The following RAPGEF6 variants were observed in gnomAD, a reference collection of about 807,000 sequenced individuals.
RAPGEF6 encodes the protein Rap guanine nucleotide exchange factor 6.
In RAPGEF6, 56 loss-of-function variants were observed where a neutral mutation model predicts 171.4. The observed-to-expected ratio is 0.33, with a 90% CI of 0.26 to 0.41. The LOEUF (loss-of-function observed/expected upper bound fraction) is 0.41. Ranked by LOEUF, RAPGEF6 falls within the 10% of genes least tolerant of loss-of-function variation. RAPGEF6 has a pLI of 1.00. For missense variants in RAPGEF6, 1,674 were observed against 1,921.4 expected (o/e 0.87, Z 2.41); for synonymous variants, 692 against 650.1 (o/e 1.06, Z -0.98).
intron 11 of RAPGEF6, among the ~76,000 whole-genome samples, chr5:131,502,776 T>C (rs1757108355): frequency 6.6e-6 from 1 of 152,130 alleles, no homozygotes. Flanking sequence ...AAAATCTAAA[T>C]AGGGTTTCTG....
chr5:131,482,688 A>G (rs929239321), intron 15 of RAPGEF6, among the ~76,000 whole-genome samples: 5 of 152,252 alleles, frequency 3.3e-5, no homozygotes, highest in African/African-American at 9.6e-5. Context: ...TGATGTTTGT[A>G]TATTACTACT....
At chr5:131,498,702 T>C (rs763334128) in intron 11 of RAPGEF6, 95 bp from the exon 12 acceptor site, 21 of 1,137,054 alleles carry the variant, frequency 1.8e-5, no homozygotes, top group Non-Finnish European at 2.7e-5. Flanking sequence ...GCTACTCCAT[T>C]AGACAAATCG....
At chr5:131,629,395 C>T (rs1766151476) in intron 1 of RAPGEF6, among the ~76,000 whole-genome samples, 1 of 151,982 alleles carries the variant, frequency 6.6e-6, no homozygotes, top group African/African-American at 2.4e-5. Context: ...TGAATCCAAC[C>T]TTTATGAATG....
At chr5:131,513,944 C>T (rs565916994) in intron 7 of RAPGEF6, among the ~76,000 whole-genome samples, 12 of 152,258 alleles carry the variant, frequency 7.9e-5, no homozygotes, top group Admixed American at 6.5e-4. Context: ...GGGAGGATTG[C>T]TTAAGCCTTG....
intron 5 of RAPGEF6, among the ~76,000 whole-genome samples, chr5:131,555,200 G>A (rs944427374): frequency 2.0e-5 from 3 of 152,002 alleles, no homozygotes; most frequent in South Asian, 2.1e-4. Context: ...AAATTTCTTG[G>A]TATCCACATC....
Position 131,479,500 on chromosome 5 carries a change from C to A in RAPGEF6, c.2081+13G>T. On this transcript the variant is annotated intron_variant, in intron 16 of 27. Transcript: ENST00000509018. ...ATGAAAATTCCTGCATAGCTAAGAT[C>A]GGCATTACCTACCTAAATAGCTTTG... is the stretch of plus-strand genomic sequence containing the variant. The A allele has an allele frequency of 1.2e-6, 2 of 1,612,270 alleles. No individual in the cohort carries two copies. The highest frequency in any genetic ancestry group is 1.1e-5 in the South Asian group (1 of 90,946).
In RAPGEF6 at chr5:131,522,730, A is replaced by G. The variant is rs961178243; in HGVS notation, c.496-1209T>C. Among the ~76,000 whole-genome samples the G allele has an allele frequency of 4.6e-5, 7 of 152,162 alleles. No homozygotes were observed. The East Asian group carries it at 1.2e-3, about 25-fold the overall frequency. ...CTCCTAAGAATATTTTCTGATTCCT[A>G]AAGAAAAGGCTAAAAGGCCAAGAAG... On this transcript the variant is annotated intron_variant, in intron 6 of 27. Transcript: ENST00000509018.
At chr5:131,445,348 T>C (rs193065153) in intron 22 of RAPGEF6, among the ~76,000 whole-genome samples, 1 of 152,326 alleles carries the variant, frequency 6.6e-6, no homozygotes. Flanking sequence ...ATTCTTTCTT[T>C]TGACATACTT....
chr5:131,571,849 C>G (rs764145744), intron 4 of RAPGEF6, among the ~76,000 whole-genome samples: 1 of 152,058 alleles, frequency 6.6e-6, no homozygotes, highest in East Asian at 1.9e-4. Context: ...GTGACATTCC[C>G]GCCACCACCG....
In RAPGEF6 at chr5:131,442,351, A is replaced by C. The variant is rs761912977; in HGVS notation, c.3608T>G (p.Leu1203Arg). The part of the protein sequence containing the change: ...RKKGQTKDPA[L>R]NTSLPQKVLG... ...TAATATTAATGGTGAATACTCACTC[A>C]GTGCAGGGTCTTTTGTTTGTCCCTT... Residue 1203 changes from leucine (L) to arginine (R), a missense_variant and splice_region_variant, in exon 23 of 28, where the codon CTG (leucine) becomes CGG (arginine). Leu to Arg is a moderately radical substitution (Grantham distance 102, BLOSUM62 -2). Around this residue, in one of 3 missense-constraint regions of RAPGEF6, gnomAD observed 552 missense variants for 574.2 expected, o/e 0.96. Transcript: ENST00000509018. 1 of 1,607,604 alleles carries C rather than the reference A, an allele frequency of 6.2e-7. No homozygotes were observed. The highest frequency in any genetic ancestry group is 8.5e-7 in the Non-Finnish European group (1 of 1,177,012).
chr5:131,563,537 G>C (rs1561565379), intron 4 of RAPGEF6, among the ~76,000 whole-genome samples: 1 of 152,098 alleles, frequency 6.6e-6, no homozygotes, highest in African/African-American at 2.4e-5. Flanking sequence ...ATCTCACTCT[G>C]TGATCACCCA....
intron 4 of RAPGEF6, among the ~76,000 whole-genome samples, chr5:131,590,252 T>G (rs1433517002): frequency 1.8e-4 from 28 of 152,014 alleles, no homozygotes; most frequent in Admixed American, 1.8e-3. Flanking sequence ...ATACAAAAAT[T>G]AGCTGGGTGT....
At chr5:131,479,848 A>G in intron 15 of RAPGEF6, 95 bp from the exon 16 acceptor site, 1 of 1,315,750 alleles carries the variant, frequency 7.6e-7, no homozygotes, top group African/African-American at 1.5e-5. Flanking sequence ...GTGACTTTCC[A>G]TTATTTGAAC....
rs1056577479 is a variant in RAPGEF6 at position 131,527,577 on chromosome 5, C to T, written c.496-6056G>A. ...ATATACCTTATGACTCAATATTCCT[C>T]TTAGGGTACCTACTGTTAAGATCAC... is the stretch of plus-strand genomic sequence containing the variant. On this transcript the variant is annotated intron_variant, in intron 6 of 27. Coordinates refer to ENST00000509018, the MANE Select transcript of RAPGEF6 (RefSeq NM_016340.6). Among the ~76,000 whole-genome samples, 10 of 152,038 alleles carry T rather than the reference C, an allele frequency of 6.6e-5. 1 individual carries two copies. The highest frequency in any genetic ancestry group is 4.4e-5 in the Non-Finnish European group (3 of 68,006).
chr5:131,460,589 A>G (rs978485234), intron 19 of RAPGEF6, among the ~76,000 whole-genome samples: 11 of 152,152 alleles, frequency 7.2e-5, no homozygotes, highest in African/African-American at 2.2e-4. Context: ...TAGCTGTTTA[A>G]AAACTGTGAT....
At chr5:131,604,792 G>A (rs1764453156) in intron 1 of RAPGEF6, 99 bp from the exon 2 acceptor site, 4 of 1,368,088 alleles carry the variant, frequency 2.9e-6, no homozygotes, top group East Asian at 2.6e-5. Context: ...ACCACTTATG[G>A]CAAAGCAGTT....
chr5:131,599,135 ACC>A (rs1041195053), intron 3 of RAPGEF6, among the ~76,000 whole-genome samples: 5 of 151,964 alleles, frequency 3.3e-5, no homozygotes, highest in African/African-American at 1.2e-4. Context: ...ACGTGGTGAA[ACC>A]CCGTCTTTAC....
rs760634638 is a variant in RAPGEF6 at position 131,492,677 on chromosome 5, G to A, written c.1636C>T (p.Leu546Phe). 6.8e-6 allele frequency: 11 copies of A among 1,614,120 alleles called. No homozygotes were observed. The East Asian group carries it at 2.5e-4, about 36-fold the overall frequency. ...ASRESPLQFS[L>F]NGGSEKGFGI... Reference sequence around the variant, plus strand: ...AATCCCTTCTCACTCCCTCCATTAAGGCTGAATTGTAGAGGGGACTCGCGG... The same window carrying A: ...AATCCCTTCTCACTCCCTCCATTAAAGCTGAATTGTAGAGGGGACTCGCGG... Residue 546 changes from leucine (L) to phenylalanine (F), a missense_variant, in exon 14 of 28, where the codon CTT becomes TTT. Physicochemically the swap from Leu to Phe is conservative, Grantham distance 22 (BLOSUM62 0). Transcript: ENST00000509018.
intron 1 of RAPGEF6, among the ~76,000 whole-genome samples, chr5:131,611,696 G>C (rs1221358434): frequency 6.6e-6 from 1 of 152,134 alleles, no homozygotes; most frequent in Non-Finnish European, 1.5e-5. Context: ...TTTTAAACTA[G>C]AGGCTTTTTG....
Sources: gnomAD v4.1 joint callset for allele counts (sites outside exome capture counted in the v4.1 genomes callset) on GRCh38, gnomAD v4.1.1 for gene constraint, gnomAD v4.1.1 regional missense constraint, MANE v1.5 for transcripts, NCBI Gene and HGNC (gene_info 2026-07-23, HGNC 2026-07-21) for gene names.